Variants in GBP7 observed in about 807,000 individuals in gnomAD.
The protein encoded by GBP7 is guanylate-binding protein 7.
A neutral mutation model predicts 61.3 loss-of-function variants in GBP7; 43 were observed. That is an observed-to-expected ratio of 0.70 (90% confidence interval 0.55 to 0.91). The LOEUF (loss-of-function observed/expected upper bound fraction) is 0.91, where lower values mean the gene tolerates loss of function less well. Ranked by LOEUF, GBP7 falls within the 40% of genes least tolerant of loss-of-function variation. The pLI, the probability that GBP7 is intolerant of heterozygous loss-of-function variation, is 0.00. For missense variants in GBP7, 717 were observed against 740.5 expected (o/e 0.97, Z 0.37); for synonymous variants, 267 against 271.0 (o/e 0.99, Z 0.14).
intron 3 of GBP7, among the ~76,000 whole-genome samples, chr1:89,159,718 G>A (rs886852198): frequency 2.4e-4 from 36 of 152,212 alleles, no homozygotes; most frequent in African/African-American, 3.1e-4. Context: ...AACAACAGGT[G>A]CTGGAGAGGA....
chr1:89,145,506 T>C (rs1682044216), intron 8 of GBP7, among the ~76,000 whole-genome samples: 1 of 152,196 alleles, frequency 6.6e-6, no homozygotes, highest in South Asian at 2.1e-4. Context: ...ATGTCTTGGC[T>C]ATTGCAAATT....
At chr1:89,138,315 A>G (rs1681854780) in intron 9 of GBP7, among the ~76,000 whole-genome samples, 1 of 151,346 alleles carries the variant, frequency 6.6e-6, no homozygotes, top group South Asian at 2.1e-4. Context: ...CTATTCTAAC[A>G]TCCACATGGA....
intron 9 of GBP7, among the ~76,000 whole-genome samples, chr1:89,133,749 A>G (rs145650794): frequency 6.6e-6 from 1 of 152,290 alleles, no homozygotes; most frequent in East Asian, 1.9e-4. Context: ...ATTGGTGCGA[A>G]GTGGCCCACT....
In GBP7 at chr1:89,148,895, A is replaced by G. The variant is rs1682128000; in HGVS notation, c.1152+397T>C. Among the ~76,000 whole-genome samples the G allele has an allele frequency of 2.6e-5, 4 of 152,352 alleles. No individual in the cohort carries two copies. The South Asian group carries it at 8.3e-4, about 32-fold the overall frequency. On this transcript the variant is annotated intron_variant, in intron 7 of 10. Coordinates refer to ENST00000294671, the MANE Select transcript of GBP7 (RefSeq NM_207398.3). ...ACATCAGGTTATTTTGAAATGTAAC[A>G]TAATCTGTACAAGAATTCTGTTTAA...
intron 2 of GBP7, among the ~76,000 whole-genome samples, chr1:89,170,163 T>C (rs1317672080): frequency 1.3e-5 from 2 of 152,216 alleles, no homozygotes; most frequent in Admixed American, 1.3e-4. Flanking sequence ...CTAATCAAAC[T>C]ACATAAAAGA....
chr1:89,147,535 G>T, intron 8 of GBP7, 32 bp downstream of exon 8: 1 of 1,550,258 alleles, frequency 6.5e-7, no homozygotes, highest in Non-Finnish European at 8.9e-7. Flanking sequence ...ACTATCCTCT[G>T]TCATCCATCC....
chr1:89,165,106 T>A (rs983658079), intron 2 of GBP7, among the ~76,000 whole-genome samples: 1 of 152,206 alleles, frequency 6.6e-6, no homozygotes, highest in Non-Finnish European at 1.5e-5. Flanking sequence ...GTAAACTCTA[T>A]TAACCTGTTG....
chr1:89,171,813 C>T lies in GBP7; in HGVS notation c.123G>A (p.Val41=), dbSNP rs1253963967. 14 of 1,613,636 alleles carry T rather than the reference C, an allele frequency of 8.7e-6. No individual in the cohort carries two copies. The highest frequency in any genetic ancestry group is 1.1e-5 in the Non-Finnish European group (13 of 1,179,934). ...CTGTGCGGTAGAGGCCCACAATTGC[C>T]ACCACTACTACAGGCTGTGTAATGG... is the stretch of plus-strand genomic sequence containing the variant. ...LSAITQPVVV[V]AIVGLYRTGK... is the part of the protein sequence containing the mutation. Residue 41 remains valine (V), a synonymous_variant, in exon 2 of 11, where the codon GTG becomes GTA. Coordinates refer to ENST00000294671, the MANE Select transcript of GBP7 (RefSeq NM_207398.3).
intron 1 of GBP7, among the ~76,000 whole-genome samples, chr1:89,173,187 G>C (rs1647652237): frequency 6.6e-6 from 1 of 151,842 alleles, no homozygotes; most frequent in African/African-American, 2.4e-5. Context: ...CAGTATCTTT[G>C]GTTTCTTTCA....
chr1:89,160,788 T>C (rs556416126), intron 3 of GBP7, among the ~76,000 whole-genome samples: 4 of 152,310 alleles, frequency 2.6e-5, no homozygotes, highest in African/African-American at 9.6e-5. Flanking sequence ...AAAATAGAAT[T>C]AGTATGTTTT....
intron 9 of GBP7, among the ~76,000 whole-genome samples, chr1:89,136,125 T>C (rs532176556): frequency 3.3e-5 from 5 of 152,278 alleles, no homozygotes; most frequent in African/African-American, 1.2e-4. Flanking sequence ...ATACTAAATA[T>C]GTATGCACCC....
intron 1 of GBP7, among the ~76,000 whole-genome samples, chr1:89,174,044 G>A (rs1406250391): frequency 6.6e-6 from 1 of 152,016 alleles, no homozygotes; most frequent in Non-Finnish European, 1.5e-5. Flanking sequence ...TAGAAATTTG[G>A]AAATCCCTCC....
intron 7 of GBP7, among the ~76,000 whole-genome samples, chr1:89,148,865 T>A (rs72961475): frequency 1.2e-4 from 18 of 152,344 alleles, no homozygotes; most frequent in African/African-American, 4.3e-4. Flanking sequence ...ATATGTATAA[T>A]GCTTACATCA....
chr1:89,171,972 A>C lies in GBP7; in HGVS notation c.-19-18T>G. On this transcript the variant is annotated intron_variant, in intron 1 of 10. Coordinates refer to ENST00000294671, the MANE Select transcript of GBP7 (RefSeq NM_207398.3). ...TCCTCTGTCTGCAAGGAAAAAATGA[A>C]ATGGAAAGTAATGTCTGGTAAGTCA... 2 of 1,531,776 alleles carry C rather than the reference A, an allele frequency of 1.3e-6. No homozygotes were observed. Among genetic ancestry groups the C allele is most frequent in the Non-Finnish European group, 1.8e-6 (2 of 1,111,498 alleles). The allele number at this position is 1,531,776 out of a possible 1,614,324, so 94.9% of individuals were successfully genotyped here.
At position 89,152,796 on chromosome 1, in the gene GBP7, A is replaced by G; in HGVS notation, c.319-19T>C. On this transcript the variant is annotated intron_variant, in intron 3 of 10. Coordinates refer to ENST00000294671, the MANE Select transcript of GBP7 (RefSeq NM_207398.3). ...GGTCACTCTAGTGTTAAAGAAAAAA[A>G]AAAAAAAAATGGAAGCCACAGTTTA... The G allele has an allele frequency of 6.3e-7, 1 of 1,577,012 alleles. No individual in the cohort carries two copies. The highest frequency in any genetic ancestry group is 2.2e-5 in the East Asian group (1 of 44,694).
At chr1:89,149,657 C>A in intron 6 of GBP7, 85 bp from the exon 7 acceptor site, 3 of 1,187,790 alleles carry the variant, frequency 2.5e-6, no homozygotes, top group South Asian at 1.8e-5. Flanking sequence ...TTCTAAAAAT[C>A]AGAAAAAATT....
At chr1:89,149,270 A>G in intron 7 of GBP7, 22 bp downstream of exon 7, 9 of 1,575,436 alleles carry the variant, frequency 5.7e-6, no homozygotes, top group Non-Finnish European at 6.0e-6. Flanking sequence ...GAATCAAGAA[A>G]AAAAAAAATA....
intron 9 of GBP7, among the ~76,000 whole-genome samples, chr1:89,139,483 G>T (rs895810041): frequency 6.6e-6 from 1 of 152,140 alleles, no homozygotes; most frequent in African/African-American, 2.4e-5. Flanking sequence ...CACAGCAAAA[G>T]AAACTACCAT....
intron 2 of GBP7, 117 bp from the exon 3 acceptor site, chr1:89,164,975 A>T (rs1325361339): frequency 1.1e-6 from 1 of 948,528 alleles, no homozygotes; most frequent in Non-Finnish European, 1.6e-6. Flanking sequence ...GGTTGCTTCC[A>T]TTTCAGCAAA....
Sources: allele counts gnomAD v4.1 joint callset (sites outside exome capture counted in the v4.1 genomes callset), GRCh38; gene constraint gnomAD v4.1.1; transcripts MANE v1.5; gene names NCBI Gene and HGNC (gene_info 2026-07-23, HGNC 2026-07-21).